PRICKLE4: variants seen among roughly 807,000 people sequenced by gnomAD.
The protein encoded by PRICKLE4 is prickle planar cell polarity protein 4, also known as prickle-like protein 4.
A neutral mutation model predicts 43.5 loss-of-function variants in PRICKLE4; 40 were observed. That is an observed-to-expected ratio of 0.92 (90% confidence interval 0.71 to 1.20). The LOEUF is 1.20. PRICKLE4 is among the 50% of genes most tolerant of loss of function. The probability of loss-of-function intolerance (pLI) is 0.00; values close to 1 mark genes in which losing one functional copy is unlikely to be tolerated. For synonymous variants in PRICKLE4, 208 were observed against 197.4 expected, an observed-to-expected ratio of 1.05 and a Z score of -0.45; for missense variants, 527 against 491.2, an observed-to-expected ratio of 1.07 and a Z score of -0.69.
In PRICKLE4 at chr6:41,786,796, C is replaced by A; in HGVS notation, c.822C>A (p.Asp274Glu). The A allele has an allele frequency of 6.2e-7, 1 of 1,610,268 alleles. No individual in the cohort carries two copies. Among genetic ancestry groups the A allele is most frequent in the Non-Finnish European group, 8.5e-7 (1 of 1,178,508 alleles). Residue 274 changes from aspartate to glutamate, a missense_variant, in exon 8 of 8, where the codon GAC becomes GAA. Transcript: ENST00000458694. ...ETGLDRTEGRDQTSVNSATLS... is the reference protein window; with the variant it reads ...ETGLDRTEGREQTSVNSATLS... ...GACTCGACCGAACTGAAGGAAGGGA[C>A]CAAACCTCGGTGAACTCTGCAACCC...
At chr6:41,786,083 GGAATGAAT>G (rs747065265) in intron 6 of PRICKLE4, 37 bp from the exon 7 acceptor site, 1 of 1,561,502 alleles carries the variant, frequency 6.4e-7, no homozygotes, top group East Asian at 2.2e-5. Context: ...AATGAATGAG[GGAATGAAT>G]GAATGAAACG....
chr6:41,784,970 G>A lies in PRICKLE4; in HGVS notation c.276G>A (p.Arg92=), dbSNP rs1178921427. 3.1e-6 allele frequency: 5 copies of A among 1,613,920 alleles called. No homozygotes were observed. The highest frequency in any genetic ancestry group is 4.2e-6 in the Non-Finnish European group (5 of 1,180,006). ...RYCLALGEEE[R]AELQLFCARR... ...GCCTGGCCCTTGGGGAGGAGGAGCG[G>A]GCCGAGCTGCAGCTCTTCTGTGCCA... Residue 92 remains arginine (R), a synonymous_variant, in exon 5 of 8, where the codon CGG becomes CGA. Coordinates refer to ENST00000458694, the MANE Select transcript of PRICKLE4 (RefSeq NM_013397.6).
At position 41,784,174 on chromosome 6, in the gene PRICKLE4, A is replaced by G; in HGVS notation, c.176A>G (p.Asn59Ser). 1 of 1,614,102 alleles carries G rather than the reference A, an allele frequency of 6.2e-7. No homozygotes were observed. Among genetic ancestry groups the G allele is most frequent in the Non-Finnish European group, 8.5e-7 (1 of 1,179,998 alleles). ...TTGGGTTCCCTTTGCCTGGACACCA[A>G]CCAAGCCCCCAACTGGACTGGACTT... ...LSLGSLCLDT[N>S]QAPNWTGLQT... Residue 59 changes from asparagine (N) to serine (S), a missense_variant, in exon 4 of 8, where the codon AAC (asparagine) becomes AGC (serine). Asn to Ser is a conservative substitution (Grantham distance 46, BLOSUM62 1). Transcript: ENST00000458694.
chr6:41,785,612 C>T (rs1028122938), intron 6 of PRICKLE4, 72 bp downstream of exon 6: 1 of 1,462,850 alleles, frequency 6.8e-7, no homozygotes, highest in South Asian at 1.2e-5. Context: ...GGACACTCTC[C>T]TGGGCCACAG....
chr6:41,786,459 C>G, intron 7 of PRICKLE4, 127 bp downstream of exon 7: 1 of 1,189,556 alleles, frequency 8.4e-7, no homozygotes, highest in Non-Finnish European at 1.2e-6. Flanking sequence ...CACCGCACCC[C>G]CCAGACCCAA....
At chr6:41,782,385 T>TACCC (rs1772567461) in intron 2 of PRICKLE4, among the ~76,000 whole-genome samples, 1 of 90,588 alleles carries the variant, frequency 1.1e-5, no homozygotes, top group Admixed American at 1.5e-4. Flanking sequence ...GGTCACTTCT[T>TACCC]CTTTTTTTTT....
At chr6:41,782,847 G>C (rs1265894606) in intron 2 of PRICKLE4, among the ~76,000 whole-genome samples, 1 of 152,188 alleles carries the variant, frequency 6.6e-6, no homozygotes, top group East Asian at 1.9e-4. Context: ...ACTAGATTAG[G>C]AGCCGAGAGA....
chr6:41,782,967 T>G (rs1004534021), intron 2 of PRICKLE4, among the ~76,000 whole-genome samples: 10 of 152,068 alleles, frequency 6.6e-5, no homozygotes, highest in African/African-American at 2.2e-4. Flanking sequence ...GAGAAGGGCT[T>G]CCTAGTAAGG....
chr6:41,787,057 G>A lies in PRICKLE4; in HGVS notation c.1083G>A (p.Gln361=), dbSNP rs774123469. Residue 361 remains glutamine (Q), a synonymous_variant, in exon 8 of 8, where the codon CAG becomes CAA. Transcript: ENST00000458694. The stretch of plus-strand genomic sequence containing the variant: ...TTTTCTTAGGCGAGCGCCTTCCCCA[G>A]TCCTGGAAGACCCCCGGAAGCCTCC... ...EGFFLGERLP[Q]SWKTPGSLQA... is the part of the protein sequence containing the mutation. The A allele has an allele frequency of 1.2e-6, 2 of 1,613,706 alleles. No homozygotes were observed. The highest frequency in any genetic ancestry group is 2.2e-5 in the South Asian group (2 of 91,078).
At chr6:41,785,733 G>A (rs987922381) in intron 6 of PRICKLE4, among the ~76,000 whole-genome samples, 193 bp downstream of exon 6, 2 of 152,140 alleles carry the variant, frequency 1.3e-5, no homozygotes, top group Non-Finnish European at 1.5e-5. Context: ...CCTTCTCTCT[G>A]GCCTCCCCCA....
chr6:41,784,043 G>C, intron 3 of PRICKLE4, 88 bp from the exon 4 acceptor site: 10 of 972,970 alleles, frequency 1.0e-5, no homozygotes, highest in Admixed American at 4.7e-5. Flanking sequence ...CTCTAGATTG[G>C]AGAAGAGGTG....
intron 4 of PRICKLE4, 161 bp from the exon 5 acceptor site, chr6:41,784,774 C>T: frequency 2.1e-6 from 2 of 948,378 alleles, no homozygotes; most frequent in Non-Finnish European, 3.1e-6. Context: ...TTCTTGAGCT[C>T]CTTTCCTTTT....
At chr6:41,782,690 C>G (rs898488139) in intron 2 of PRICKLE4, among the ~76,000 whole-genome samples, 2 of 152,172 alleles carry the variant, frequency 1.3e-5, no homozygotes, top group African/African-American at 4.8e-5. Context: ...CCGTGCCCAG[C>G]CAATAGTCAC....
rs954672072 is a variant in PRICKLE4 at position 41,786,982 on chromosome 6, C to T, written c.1008C>T (p.Asp336=). The change falls in exon 8 of 8, where the codon GAC becomes GAT. Residue 336 remains aspartate (D), a synonymous_variant. Transcript: ENST00000458694. ...TGGAGACTATTCGTGATCCCAAGGA[C>T]ACCCCTTTCTCCACCTGCTCCTCCT... is the stretch of plus-strand genomic sequence containing the variant. ...CRLETIRDPK[D]TPFSTCSSSS... 6.2e-7 allele frequency: 1 copy of T among 1,614,142 alleles called. No homozygotes were observed. Among genetic ancestry groups the T allele is most frequent in the Non-Finnish European group, 8.5e-7 (1 of 1,180,024 alleles).
chr6:41,781,005 T>G (rs1373038951), intron 1 of PRICKLE4, 179 bp downstream of exon 1: 1 of 156,638 alleles, frequency 6.4e-6, no homozygotes, highest in Non-Finnish European at 1.4e-5. Context: ...CCCTTCCTTC[T>G]CCCTCCCACT....
In PRICKLE4 at chr6:41,783,578, G is replaced by A. The variant is rs1297133359; in HGVS notation, c.105G>A (p.Gly35=). ...NSDSDSGHLP[G]EDPEDTHAQG... is the part of the protein sequence containing the mutation. The stretch of plus-strand genomic sequence containing the variant: ...ACAGTGACTCAGGCCACCTGCCGGG[G>A]GAGGACCCTGAGGATACCCATGCTC... Residue 35 remains glycine, a synonymous_variant, in exon 3 of 8, where the codon GGG becomes GGA. Coordinates refer to ENST00000458694, the MANE Select transcript of PRICKLE4 (RefSeq NM_013397.6). 1.2e-6 allele frequency: 2 copies of A among 1,613,736 alleles called. No individual in the cohort carries two copies. The highest frequency in any genetic ancestry group is 1.7e-6 in the Non-Finnish European group (2 of 1,179,866).
chr6:41,785,660 CA>C, intron 6 of PRICKLE4, 120 bp downstream of exon 6: 1 of 1,059,020 alleles, frequency 9.4e-7, no homozygotes, highest in Non-Finnish European at 1.3e-6. Flanking sequence ...AAGTAGGAAC[CA>C]GCCTGGGACT....
chr6:41,783,628 C>A (rs915912000), intron 3 of PRICKLE4, 23 bp downstream of exon 3: 2 of 1,613,342 alleles, frequency 1.2e-6, no homozygotes. Context: ...TGCCCTTCCT[C>A]TGAGACCAAC....
chr6:41,786,913 T>G lies in PRICKLE4; in HGVS notation c.939T>G (p.Pro313=). ...CCAGTCCCCAGCAGGAGAACCGACC[T>G]GGGGACAAAGCGGAGGCACCCAAAG... The part of the protein sequence containing the change: ...PGSSPQQENR[P]GDKAEAPKGQ... Residue 313 remains proline (P), a synonymous_variant, in exon 8 of 8, where the codon CCT becomes CCG. Transcript: ENST00000458694. 6.2e-7 allele frequency: 1 copy of G among 1,613,364 alleles called. No individual in the cohort carries two copies. The highest frequency in any genetic ancestry group is 1.1e-5 in the South Asian group (1 of 91,014).
Sources: allele counts gnomAD v4.1 joint callset (sites outside exome capture counted in the v4.1 genomes callset), GRCh38; gene constraint gnomAD v4.1.1; transcripts MANE v1.5; gene names NCBI Gene and HGNC (gene_info 2026-07-23, HGNC 2026-07-21).